Variants in DLG2 observed in about 807,000 individuals in gnomAD.
The protein encoded by DLG2 is disks large homolog 2.
In DLG2, 45 loss-of-function variants were observed where a neutral mutation model predicts 132.5. The ratio of observed to expected loss-of-function variants is 0.34; its 90% CI spans 0.27 to 0.44. The LOEUF (loss-of-function observed/expected upper bound fraction) is 0.44, where lower values mean the gene tolerates loss of function less well. Ranked by LOEUF, DLG2 falls within the 20% of genes least tolerant of loss-of-function variation. The probability of loss-of-function intolerance (pLI) is 1.00; values close to 1 mark genes in which losing one functional copy is unlikely to be tolerated. For missense variants in DLG2, 1,045 were observed against 1,196.9 expected, an observed-to-expected ratio of 0.87 and a Z score of 1.87; for synonymous variants, 424 against 419.6, an observed-to-expected ratio of 1.01 and a Z score of -0.13.
intron 7 of DLG2, among the ~76,000 whole-genome samples, chr11:84,518,676 T>C (rs547860569): frequency 7.2e-5 from 11 of 152,280 alleles, no homozygotes; most frequent in African/African-American, 1.9e-4. Context: ...GCAGTTTTCC[T>C]TAAATTGCTG....
intron 7 of DLG2, among the ~76,000 whole-genome samples, chr11:84,388,504 G>A (rs997320542): frequency 6.6e-6 from 1 of 152,062 alleles, no homozygotes; most frequent in Admixed American, 6.6e-5. Flanking sequence ...TTGGGTAGTA[G>A]AAAAGAGGGC....
intron 3 of DLG2, among the ~76,000 whole-genome samples, chr11:85,304,538 C>T (rs922968662): frequency 4.6e-5 from 7 of 151,916 alleles, no homozygotes; most frequent in Admixed American, 3.9e-4. Flanking sequence ...CTGAAATGCC[C>T]CCAAATCTGA....
chr11:84,075,103 A>G (rs915106940), intron 10 of DLG2, among the ~76,000 whole-genome samples: 5 of 151,862 alleles, frequency 3.3e-5, no homozygotes, highest in Admixed American at 2.6e-4. Flanking sequence ...CTTTTCCCTC[A>G]TGTTTTTGGC....
Position 83,672,315 on chromosome 11 carries a change from G to A in DLG2, c.1826-38990C>T, listed in dbSNP as rs1250229354. On this transcript the variant is annotated intron_variant, in intron 18 of 27. Coordinates refer to ENST00000376104, the MANE Select transcript of DLG2 (RefSeq NM_001142699.3). ...TTCTCCTGCCTCAGCCTCCCAAGTG[G>A]TTGGGACTACAGGCACCACGCCCGG... Among the ~76,000 whole-genome samples the A allele has an allele frequency of 1.3e-5, 2 of 152,052 alleles. 1 individual carries two copies. The highest frequency in any genetic ancestry group is 1.3e-4 in the Admixed American group (2 of 15,248).
chr11:84,556,244 A>C (rs1162805757), intron 6 of DLG2, among the ~76,000 whole-genome samples: 1 of 152,174 alleles, frequency 6.6e-6, no homozygotes, highest in Non-Finnish European at 1.5e-5. Context: ...AACCATATCC[A>C]GCTTTGAGAT....
At position 83,469,318 on chromosome 11, in the gene DLG2, G is replaced by C; in HGVS notation, c.2502C>G (p.Val834=). The C allele has an allele frequency of 6.2e-7, 1 of 1,613,774 alleles. No individual in the cohort carries two copies. Among genetic ancestry groups the C allele is most frequent in the Non-Finnish European group, 8.5e-7 (1 of 1,179,822 alleles). ...CTTTCTCCATTTGTTCTCTGGAAAT[G>C]ACAAAGTGATAGTCTCTGCCATCCA... ...YEVDGRDYHF[V]ISREQMEKDI... Residue 834 remains valine, a synonymous_variant, in exon 25 of 28, where the codon GTC becomes GTG. Transcript: ENST00000376104.
chr11:84,967,500 G>C (rs1416135501), intron 6 of DLG2, among the ~76,000 whole-genome samples: 1 of 152,128 alleles, frequency 6.6e-6, no homozygotes, highest in Non-Finnish European at 1.5e-5. Flanking sequence ...TATACCAAGA[G>C]AAATGTGGCA....
intron 9 of DLG2, among the ~76,000 whole-genome samples, chr11:84,116,474 G>A (rs972839337): frequency 3.9e-5 from 6 of 152,160 alleles, no homozygotes; most frequent in African/African-American, 9.7e-5. Flanking sequence ...CATGGTGGAA[G>A]GTGAAGGTCT....
Position 85,222,928 on chromosome 11 carries a change from A to G in DLG2, c.186+62292T>C, listed in dbSNP as rs376027933. Among the ~76,000 whole-genome samples the G allele has an allele frequency of 1.8e-4, 27 of 152,176 alleles. 1 individual carries two copies. In the East Asian group the frequency reaches 2.7e-3, roughly 15 times the overall value. On this transcript the variant is annotated intron_variant, in intron 4 of 27. Coordinates refer to ENST00000376104, the MANE Select transcript of DLG2 (RefSeq NM_001142699.3). ...TATCACTTCCCTTCTTCCACTCAAC[A>G]GTTTGTAAGAACCCAGAATGCCTGG...
At position 84,657,409 on chromosome 11, in the gene DLG2, C is replaced by A. The variant is rs192371836; in HGVS notation, c.358-122678G>T. Among the ~76,000 whole-genome samples the A allele has an allele frequency of 9.3e-4, 141 of 152,202 alleles. 3 individuals carry two copies. In the East Asian group the frequency reaches 0.016, roughly 18 times the overall value. On this transcript the variant is annotated intron_variant, in intron 6 of 27. Coordinates refer to ENST00000376104, the MANE Select transcript of DLG2 (RefSeq NM_001142699.3). ...TGGGACTGGCAAGCCTGCCTCCCTG[C>A]CCCTAGAACATTCTTTTTATGAGAC...
chr11:84,646,380 T>C (rs1249606458), intron 6 of DLG2, among the ~76,000 whole-genome samples: 1 of 152,204 alleles, frequency 6.6e-6, no homozygotes, highest in Non-Finnish European at 1.5e-5. Flanking sequence ...CAGTTGTTTA[T>C]AGAAGCTGGC....
At chr11:84,089,626 A>C (rs544947745) in intron 10 of DLG2, among the ~76,000 whole-genome samples, 1 of 152,384 alleles carries the variant, frequency 6.6e-6, no homozygotes, top group East Asian at 1.9e-4. Flanking sequence ...TCTTGTTTGA[A>C]ATAAACATGT....
chr11:85,452,201 T>C (rs1473403490), intron 3 of DLG2: 1 of 152,094 alleles, frequency 6.6e-6, no homozygotes, highest in Admixed American at 6.6e-5. Context: ...ATGGGTTTAG[T>C]TTTTGGTGAA....
intron 19 of DLG2, among the ~76,000 whole-genome samples, chr11:83,577,014 G>A (rs2096883679): frequency 6.6e-6 from 1 of 152,158 alleles, no homozygotes; most frequent in Admixed American, 6.5e-5. Flanking sequence ...TGCCAAAGGA[G>A]ATTAACATTT....
rs1427086511 is a variant in DLG2, at chr11:85,519,591, CTT to C, written c.40+79064_40+79065del. Among the ~76,000 whole-genome samples the C allele has an allele frequency of 3.3e-5, 5 of 152,278 alleles. No individual in the cohort carries two copies. In the East Asian group the frequency reaches 9.6e-4, roughly 29 times the overall value. ...GGGACTTGCCTTTTCTCAGATGAGA[CTT>C]TGGACTGTGGACTTCCGTTAATGCT... On this transcript the variant is annotated intron_variant, in intron 3 of 27. Coordinates refer to ENST00000376104, the MANE Select transcript of DLG2 (RefSeq NM_001142699.3).
chr11:84,643,659 T>C (rs1037436268), intron 6 of DLG2, among the ~76,000 whole-genome samples: 1 of 152,172 alleles, frequency 6.6e-6, no homozygotes, highest in Non-Finnish European at 1.5e-5. Flanking sequence ...AGACCACTAA[T>C]TGCTTTGGGT....
At chr11:84,542,607 A>T (rs2099378065) in intron 6 of DLG2, among the ~76,000 whole-genome samples, 1 of 152,204 alleles carries the variant, frequency 6.6e-6, no homozygotes, top group African/African-American at 2.4e-5. Flanking sequence ...TAATTTAAAA[A>T]ATGTGCTTGG....
intron 16 of DLG2, among the ~76,000 whole-genome samples, chr11:83,842,610 C>T (rs1156241574): frequency 7.4e-5 from 11 of 149,428 alleles, no homozygotes; most frequent in African/African-American, 2.2e-4. Flanking sequence ...GGGTGGATCA[C>T]GAGGTCAGGA....
intron 7 of DLG2, among the ~76,000 whole-genome samples, chr11:84,282,263 C>G (rs2097861070): frequency 1.3e-5 from 2 of 152,204 alleles, no homozygotes; most frequent in South Asian, 2.1e-4. Context: ...ACAAAAAGTA[C>G]ATACTATATG....
Sources: allele counts gnomAD v4.1 joint callset (sites outside exome capture counted in the v4.1 genomes callset), GRCh38; gene constraint gnomAD v4.1.1; transcripts MANE v1.5; gene names NCBI Gene and HGNC (gene_info 2026-07-23, HGNC 2026-07-21).